Variants in INPP4B observed in about 807,000 individuals in gnomAD.
The protein encoded by INPP4B is inositol polyphosphate 4-phosphatase type II.
Under a neutral mutation model 122.5 loss-of-function variants are expected in INPP4B, and 55 were observed. The observed-to-expected ratio is 0.45, with a 90% CI of 0.36 to 0.56. The LOEUF (loss-of-function observed/expected upper bound fraction) is 0.56, where lower values mean the gene tolerates loss of function less well. INPP4B is among the 20% of genes least tolerant of loss of function. The pLI is 0.00. For synonymous variants in INPP4B, 403 were observed against 388.7 expected, an observed-to-expected ratio of 1.04 and a Z score of -0.43; for missense variants, 1,000 against 1,097.7, an observed-to-expected ratio of 0.91 and a Z score of 1.26.
intron 7 of INPP4B, among the ~76,000 whole-genome samples, chr4:142,332,739 T>G (rs1775027959): frequency 6.6e-6 from 1 of 151,536 alleles, no homozygotes; most frequent in Non-Finnish European, 1.5e-5. Flanking sequence ...GCGCAGTGGC[T>G]CACGCCTGTA....
chr4:142,068,005 G>A (rs999671266), intron 25 of INPP4B, among the ~76,000 whole-genome samples: 1 of 152,122 alleles, frequency 6.6e-6, no homozygotes, highest in Non-Finnish European at 1.5e-5. Flanking sequence ...TCCTCGAGAA[G>A]AGCAACTCCA....
At chr4:142,698,419 C>G (rs952429574) in intron 2 of INPP4B, among the ~76,000 whole-genome samples, 2 of 151,952 alleles carry the variant, frequency 1.3e-5, no homozygotes. Context: ...TATGATCTTG[C>G]CTTTTGTCTT....
chr4:142,299,171 G>A (rs200899671), intron 9 of INPP4B, among the ~76,000 whole-genome samples: 1 of 91,238 alleles, frequency 1.1e-5, no homozygotes, highest in Non-Finnish European at 1.9e-5. Flanking sequence ...TTTTTTTTTG[G>A]GGGGGAGACA....
intron 10 of INPP4B, among the ~76,000 whole-genome samples, chr4:142,269,601 G>A (rs1321299457): frequency 6.6e-6 from 1 of 152,122 alleles, no homozygotes. Context: ...TCATCAAAGG[G>A]TACAAGTTTC....
chr4:142,032,927 C>T (rs1334865780), intron 25 of INPP4B, among the ~76,000 whole-genome samples: 7 of 149,370 alleles, frequency 4.7e-5, no homozygotes, highest in Non-Finnish European at 7.4e-5. Flanking sequence ...TAGTATGTTC[C>T]CTCCTGCCTT....
chr4:142,464,004 C>T (rs543535457), intron 2 of INPP4B, among the ~76,000 whole-genome samples: 1 of 152,096 alleles, frequency 6.6e-6, no homozygotes, highest in African/African-American at 2.4e-5. Flanking sequence ...AATACAACCA[C>T]CCTATAAGGG....
intron 11 of INPP4B, among the ~76,000 whole-genome samples, chr4:142,241,511 A>T (rs1296441961): frequency 2.0e-5 from 3 of 152,126 alleles, no homozygotes; most frequent in East Asian, 1.9e-4. Flanking sequence ...TTTCTCCCAG[A>T]TTGTAATAGG....
chr4:142,340,400 TC>T (rs1278465363), intron 7 of INPP4B, among the ~76,000 whole-genome samples: 3 of 69,392 alleles, frequency 4.3e-5, no homozygotes, highest in Admixed American at 4.2e-4. Context: ...CGTACTTCTT[TC>T]TTTTTTTTCT....
chr4:142,337,247 T>C (rs563654288), intron 7 of INPP4B, among the ~76,000 whole-genome samples: 10 of 151,992 alleles, frequency 6.6e-5, no homozygotes, highest in South Asian at 6.2e-4. Context: ...TTGTCATTTA[T>C]TAGCTGCAGT....
chr4:142,532,155 G>A (rs1175422919), intron 2 of INPP4B, among the ~76,000 whole-genome samples: 1 of 152,046 alleles, frequency 6.6e-6, no homozygotes, highest in East Asian at 1.9e-4. Flanking sequence ...ATTTCCCTCC[G>A]CTTAAACACT....
intron 3 of INPP4B, among the ~76,000 whole-genome samples, chr4:142,434,586 G>A (rs1810035740): frequency 1.3e-5 from 2 of 152,150 alleles, no homozygotes; most frequent in Admixed American, 1.3e-4. Flanking sequence ...CTCTCAAAGT[G>A]TGGATAAAAA....
intron 25 of INPP4B, among the ~76,000 whole-genome samples, chr4:142,041,351 C>T (rs993676002): frequency 1.3e-5 from 2 of 152,006 alleles, no homozygotes; most frequent in Non-Finnish European, 2.9e-5. Flanking sequence ...GGTACGGTGG[C>T]TTATGCCTGT....
intron 18 of INPP4B, among the ~76,000 whole-genome samples, chr4:142,144,528 A>G (rs1809645785): frequency 1.3e-5 from 2 of 152,072 alleles, no homozygotes; most frequent in African/African-American, 4.8e-5. Flanking sequence ...TTTCTTCATG[A>G]CATAGCTATG....
intron 7 of INPP4B, among the ~76,000 whole-genome samples, chr4:142,389,263 A>G (rs1272845543): frequency 6.6e-6 from 1 of 151,852 alleles, no homozygotes; most frequent in Non-Finnish European, 1.5e-5. Flanking sequence ...AAAAAAAAAA[A>G]AAAAAGAAAC....
At chr4:142,474,551 G>A (rs1819493617) in intron 2 of INPP4B, 1 of 152,406 alleles carries the variant, frequency 6.6e-6, no homozygotes, top group Non-Finnish European at 1.5e-5. Context: ...ACCAACTAGA[G>A]CTTTTAGCCC....
intron 7 of INPP4B, among the ~76,000 whole-genome samples, chr4:142,339,730 C>T (rs1778034148): frequency 6.6e-6 from 1 of 152,206 alleles, no homozygotes; most frequent in Non-Finnish European, 1.5e-5. Flanking sequence ...GAATGCTTGA[C>T]TCTGAACTTC....
chr4:142,143,122 C>T (rs899049474), intron 18 of INPP4B, among the ~76,000 whole-genome samples: 4 of 152,060 alleles, frequency 2.6e-5, no homozygotes, highest in Non-Finnish European at 5.9e-5. Context: ...CACCAAAAAA[C>T]AATTACCTGT....
chr4:142,067,598 A>G lies in INPP4B; in HGVS notation c.2642+14433T>C, dbSNP rs141905743. On this transcript the variant is annotated intron_variant, in intron 25 of 25. Coordinates refer to ENST00000262992, the MANE Select transcript of INPP4B (RefSeq NM_001101669.3). ...AAAACCTTGAAAAAAGATTAGATGA[A>G]TGGCTAACTAGAATAAACGGTGTAG... Among the ~76,000 whole-genome samples the G allele has an allele frequency of 2.2e-3, 330 of 152,274 alleles. 1 individual carries two copies. The highest frequency in any genetic ancestry group is 7.3e-3 in the African/African-American group (305 of 41,550).
chr4:142,505,872 A>C (rs1823959740), intron 2 of INPP4B, among the ~76,000 whole-genome samples: 1 of 152,190 alleles, frequency 6.6e-6, no homozygotes, highest in African/African-American at 2.4e-5. Context: ...TCCTATACCC[A>C]GATATTGTAT....
Sources: gnomAD v4.1 joint callset for allele counts (sites outside exome capture counted in the v4.1 genomes callset) on GRCh38, gnomAD v4.1.1 for gene constraint, MANE v1.5 for transcripts, NCBI Gene and HGNC (gene_info 2026-07-23, HGNC 2026-07-21) for gene names.